The following RANBP17 variants were observed in gnomAD, a reference collection of about 807,000 sequenced individuals.
RANBP17 encodes RAN binding protein 17.
Under a neutral mutation model 141.2 loss-of-function variants are expected in RANBP17, and 158 were observed. That is an observed-to-expected ratio of 1.12 (90% CI 0.98 to 1.28). RANBP17 has a LOEUF of 1.28. Among genes scored for constraint, RANBP17 ranks in the 50% most tolerant of loss-of-function variants. The pLI is 0.00. For synonymous variants in RANBP17, 430 were observed against 450.0 expected, an observed-to-expected ratio of 0.96 and a Z score of 0.56; for missense variants, 1,438 against 1,290.7, an observed-to-expected ratio of 1.11 and a Z score of -1.75.
At chr5:171,146,714 A>G (rs1259597197) in intron 14 of RANBP17, among the ~76,000 whole-genome samples, 2 of 152,238 alleles carry the variant, frequency 1.3e-5, no homozygotes, top group African/African-American at 4.8e-5. Flanking sequence ...ATGTGAGCTC[A>G]GTCTTTATAT....
intron 14 of RANBP17, among the ~76,000 whole-genome samples, chr5:171,159,707 G>GTCAGGAGA (rs1759182697): frequency 6.6e-6 from 1 of 151,922 alleles, no homozygotes; most frequent in Non-Finnish European, 1.5e-5. Flanking sequence ...GGATCACGAG[G>GTCAGGAGA]TCAGGAGATC....
intron 14 of RANBP17, among the ~76,000 whole-genome samples, chr5:171,080,904 G>T (rs1182966422): frequency 6.6e-6 from 1 of 152,092 alleles, no homozygotes; most frequent in African/African-American, 2.4e-5. Context: ...TTACAATTTT[G>T]TTTTCATCAT....
At chr5:170,870,395 G>C (rs2127320254) in intron 1 of RANBP17, among the ~76,000 whole-genome samples, 1 of 151,094 alleles carries the variant, frequency 6.6e-6, no homozygotes, top group Non-Finnish European at 1.5e-5. Context: ...CAGGCCCCCT[G>C]TATGTGTTGT....
intron 20 of RANBP17, 54 bp from the exon 21 acceptor site, chr5:171,213,577 T>C: frequency 7.8e-7 from 1 of 1,275,858 alleles, no homozygotes; most frequent in Non-Finnish European, 1.1e-6. Flanking sequence ...GGCACTAATT[T>C]TCAGAAACAG....
At chr5:170,966,296 A>T (rs1776558357) in intron 13 of RANBP17, among the ~76,000 whole-genome samples, 1 of 152,188 alleles carries the variant, frequency 6.6e-6, no homozygotes, top group Non-Finnish European at 1.5e-5. Flanking sequence ...AATCCTCAAT[A>T]AAATACTGGC....
chr5:171,241,147 G>A lies in RANBP17; in HGVS notation c.2637+5G>A. On this transcript the variant is annotated splice_donor_5th_base_variant and intron_variant, in intron 23 of 27. Transcript: ENST00000523189. ...GTGTCCCACAGTGACTTGCTAGTAA[G>A]CAATCATGCATCATGGGAGTGTTTG... 1.2e-6 allele frequency: 2 copies of A among 1,604,450 alleles called. No individual in the cohort carries two copies. The highest frequency in any genetic ancestry group is 1.7e-6 in the Non-Finnish European group (2 of 1,171,848).
chr5:171,201,019 A>G (rs1182584667), intron 19 of RANBP17, among the ~76,000 whole-genome samples: 1 of 152,218 alleles, frequency 6.6e-6, no homozygotes, highest in African/African-American at 2.4e-5. Flanking sequence ...TTAGGTTGCT[A>G]TTTCTGCCCT....
intron 14 of RANBP17, among the ~76,000 whole-genome samples, chr5:171,038,968 A>G (rs1194252784): frequency 6.6e-6 from 1 of 151,972 alleles, no homozygotes; most frequent in Non-Finnish European, 1.5e-5. Context: ...TTCTTTATCC[A>G]TTCCACCATT....
At chr5:171,108,434 A>G (rs1206544893) in intron 14 of RANBP17, among the ~76,000 whole-genome samples, 1 of 152,136 alleles carries the variant, frequency 6.6e-6, no homozygotes, top group East Asian at 1.9e-4. Context: ...TTATTTTGAG[A>G]CGAGGTCTCA....
In RANBP17 at chr5:171,293,956, T is replaced by A; in HGVS notation, c.3017T>A (p.Leu1006Gln). 1 of 1,613,632 alleles carries A rather than the reference T, an allele frequency of 6.2e-7. No individual in the cohort carries two copies. The highest frequency in any genetic ancestry group is 8.5e-7 in the Non-Finnish European group (1 of 1,179,602). The change falls in exon 26 of 28, where the codon CTG becomes CAG. Residue 1006 changes from leucine to glutamine, a missense_variant. Physicochemically the swap from Leu to Gln is moderately radical, Grantham distance 113 (BLOSUM62 -2). Transcript: ENST00000523189. Reference protein sequence around the residue: ...RNQWSVSRPLLGLILLNEKYF... With the variant: ...RNQWSVSRPLQGLILLNEKYF... ...CAGTGGTCAGTATCCAGGCCTCTCC[T>A]GGGGCTCATCCTGCTCAATGAGAAG... is the stretch of plus-strand genomic sequence containing the variant.
At chr5:171,265,067 C>G (rs999234391) in intron 24 of RANBP17, among the ~76,000 whole-genome samples, 2 of 152,202 alleles carry the variant, frequency 1.3e-5, no homozygotes, top group African/African-American at 4.8e-5. Context: ...ACCACTGTTT[C>G]CTGTAAAACA....
intron 18 of RANBP17, among the ~76,000 whole-genome samples, chr5:171,198,328 G>C (rs1233854327): frequency 3.9e-5 from 6 of 152,148 alleles, no homozygotes; most frequent in Admixed American, 3.3e-4. Context: ...GTAAAGATTT[G>C]TTGGCCCTTT....
intron 12 of RANBP17, among the ~76,000 whole-genome samples, chr5:170,940,172 G>A (rs1219526225): frequency 5.9e-5 from 9 of 152,236 alleles, no homozygotes; most frequent in East Asian, 1.9e-4. Context: ...AACATGGAAA[G>A]TTGAAAGTAA....
chr5:171,062,911 C>T (rs1254842753), intron 14 of RANBP17, among the ~76,000 whole-genome samples: 1 of 151,976 alleles, frequency 6.6e-6, no homozygotes, highest in Non-Finnish European at 1.5e-5. Flanking sequence ...TCATTCATTT[C>T]ATCTTCCATC....
Position 171,170,138 on chromosome 5 carries a change from T to G in RANBP17, c.1719T>G (p.Ala573=). ...GAAATGTTTTAATGCAGGTATATGC[T>G]CGTATGTCAGAAGTCTTAGGAATAA... ...DQLQRTSKVY[A]RMSEVLGITD... is the part of the protein sequence containing the mutation. Residue 573 remains alanine, a synonymous_variant, in exon 15 of 28, where the codon GCT becomes GCG. Coordinates refer to ENST00000523189, the MANE Select transcript of RANBP17 (RefSeq NM_022897.5). 1 of 1,567,942 alleles carries G rather than the reference T, an allele frequency of 6.4e-7. No homozygotes were observed. The highest frequency in any genetic ancestry group is 8.7e-7 in the Non-Finnish European group (1 of 1,149,518).
At chr5:171,038,048 C>A (rs1204057300) in intron 14 of RANBP17, among the ~76,000 whole-genome samples, 1 of 152,056 alleles carries the variant, frequency 6.6e-6, no homozygotes, top group East Asian at 1.9e-4. Context: ...TTCCTCCAAT[C>A]CATGAGCATG....
At chr5:171,039,664 T>A (rs1304893920) in intron 14 of RANBP17, among the ~76,000 whole-genome samples, 2 of 152,028 alleles carry the variant, frequency 1.3e-5, no homozygotes, top group Admixed American at 1.3e-4. Flanking sequence ...AAGATCCAAA[T>A]AAGTACAATC....
intron 14 of RANBP17, chr5:170,983,026 A>G (rs2127553411): frequency 2.1e-6 from 1 of 473,406 alleles, no homozygotes; most frequent in East Asian, 4.8e-5. Context: ...TTTCACTCAG[A>G]CAAAGCCTCA....
At chr5:170,966,238 C>G (rs1186552680) in intron 13 of RANBP17, among the ~76,000 whole-genome samples, 2 of 151,592 alleles carry the variant, frequency 1.3e-5, no homozygotes, top group Non-Finnish European at 1.5e-5. Context: ...GAGACACAAC[C>G]AAAAAAGAGA....
Sources: gnomAD v4.1 joint callset for allele counts (sites outside exome capture counted in the v4.1 genomes callset) on GRCh38, gnomAD v4.1.1 for gene constraint, MANE v1.5 for transcripts, NCBI Gene and HGNC (gene_info 2026-07-23, HGNC 2026-07-21) for gene names.